GNB1: variants seen among roughly 807,000 people sequenced by gnomAD.
The protein encoded by GNB1 is guanine nucleotide-binding protein G(I)/G(S)/G(T) subunit beta-1.
GNB1 carries 2 observed loss-of-function variants against 42.9 expected under a neutral mutation model. The ratio of observed to expected loss-of-function variants is 0.05; its 90% CI spans 0.02 to 0.15. The LOEUF (loss-of-function observed/expected upper bound fraction) is 0.15, where lower values mean the gene tolerates loss of function less well. Among genes scored for constraint, GNB1 ranks in the 10% least tolerant of loss-of-function variants. The pLI, the probability that GNB1 is intolerant of heterozygous loss-of-function variation, is 1.00. For synonymous variants in GNB1, 183 were observed against 174.7 expected (o/e 1.05, Z -0.38); for missense variants, 193 against 462.2 (o/e 0.42, Z 5.34).
In GNB1 at chr1:1,787,530, T is replaced by G; in HGVS notation, c.917-93A>C. On this transcript the variant is annotated intron_variant, in intron 10 of 11. Coordinates refer to ENST00000378609, the MANE Select transcript of GNB1 (RefSeq NM_002074.5). This position sits in a 1 kb window ranked among gnomAD's most constrained non-coding sequence, Gnocchi z 4.4. ...GTGACGAGGACGGATGGTGCATCTCTCATGGGACAAGACCCAGAGTCTCCC... is the reference window on the plus strand; with the variant it reads ...GTGACGAGGACGGATGGTGCATCTCGCATGGGACAAGACCCAGAGTCTCCC... The G allele has an allele frequency of 1.3e-6, 1 of 742,924 alleles. No homozygotes were observed. The highest frequency in any genetic ancestry group is 2.3e-6 in the Non-Finnish European group (1 of 436,322). 46.0% of individuals were successfully genotyped at this position (742,924 alleles called of 1,614,324 possible).
At chr1:1,789,897 T>C (rs1156687619) in intron 9 of GNB1, among the ~76,000 whole-genome samples, 1 of 152,132 alleles carries the variant, frequency 6.6e-6, no homozygotes, top group African/African-American at 2.4e-5. Flanking sequence ...CTGCCAGCCA[T>C]CAGGGCTAAT....
intron 2 of GNB1, 192 bp from the exon 3 acceptor site, chr1:1,825,691 C>T (rs1197404673): frequency 5.6e-5 from 20 of 358,066 alleles, no homozygotes. Context: ...GGTCAAACCC[C>T]TTCTCTACTA....
In GNB1 at chr1:1,831,164, CA is replaced by C. The variant is rs1420807450; in HGVS notation, c.-46-5666del. On this transcript the variant is annotated intron_variant, in intron 2 of 11. Transcript: ENST00000378609. ...TGGGTGACAGAATGAGGCTCCATCT[CA>C]AAAAAAAAGTTACTTGATGCAATTC... is the stretch of plus-strand genomic sequence containing the variant. Among the ~76,000 whole-genome samples, 11 of 150,942 alleles carry C rather than the reference CA, an allele frequency of 7.3e-5. No homozygotes were observed. In the South Asian group the frequency reaches 1.9e-3, roughly 26 times the overall value.
At chr1:1,846,708 C>CA (rs1647688244) in intron 1 of GNB1, among the ~76,000 whole-genome samples, 1 of 152,128 alleles carries the variant, frequency 6.6e-6, no homozygotes, top group African/African-American at 2.4e-5. Flanking sequence ...AGGCATGTGC[C>CA]ACACTGCACG....
chr1:1,814,578 C>T (rs1646824781), intron 5 of GNB1, among the ~76,000 whole-genome samples: 2 of 151,928 alleles, frequency 1.3e-5, no homozygotes. Context: ...GTGGAAGGAT[C>T]ACTTAGGGGC....
chr1:1,887,010 G>A (rs1203012569), intron 1 of GNB1, among the ~76,000 whole-genome samples: 1 of 152,186 alleles, frequency 6.6e-6, no homozygotes, highest in African/African-American at 2.4e-5. Context: ...ACCACGCCCG[G>A]TCAAACCAGT....
rs747238563 is a variant in GNB1 at position 1,871,435 on chromosome 1, C to A, written c.-96+19385G>T. ...AGATCGCGCTACTGCACTCCAGCCA[C>A]GGCAACAGAGTGAGACTTAAGGGAA... On this transcript the variant is annotated intron_variant, in intron 1 of 11. Transcript: ENST00000378609. Among the ~76,000 whole-genome samples the A allele has an allele frequency of 1.8e-4, 28 of 151,996 alleles. 1 individual carries two copies. The highest frequency in any genetic ancestry group is 3.2e-4 in the Non-Finnish European group (22 of 67,956).
At position 1,790,285 on chromosome 1, in the gene GNB1, A is replaced by G. The variant is rs776174775; in HGVS notation, c.699+110T>C. 2 of 739,868 alleles carry G rather than the reference A, an allele frequency of 2.7e-6. No homozygotes were observed. Among genetic ancestry groups the G allele is most frequent in the Non-Finnish European group, 4.7e-6 (2 of 424,500 alleles). 45.8% of individuals were successfully genotyped at this position (739,868 alleles called of 1,614,324 possible). A position where few individuals can be genotyped will look rare whatever the true frequency, so the allele number is the denominator to read the frequency against. On this transcript the variant is annotated intron_variant, in intron 9 of 11. Transcript: ENST00000378609. The surrounding 1 kb of genome is among the most constrained non-coding windows in gnomAD (Gnocchi z 5.4). ...TATCCCCATCTGTACATGAGGTTGT[A>G]TAAGGATCAGAAAGGAGAACATCTA...
intron 1 of GNB1, among the ~76,000 whole-genome samples, chr1:1,850,499 C>T (rs1434185300): frequency 6.6e-6 from 1 of 151,932 alleles, no homozygotes; most frequent in African/African-American, 2.4e-5. Flanking sequence ...ATTGACCTAT[C>T]TTCAGTTTCA....
At chr1:1,889,308 CTAA>C (rs1375702770) in intron 1 of GNB1, among the ~76,000 whole-genome samples, 5 of 152,154 alleles carry the variant, frequency 3.3e-5, no homozygotes, top group African/African-American at 9.7e-5. Context: ...CTATTTGAGA[CTAA>C]TGTTATCAGA....
chr1:1,795,572 A>T (rs924556686), intron 7 of GNB1, among the ~76,000 whole-genome samples: 3 of 152,072 alleles, frequency 2.0e-5, no homozygotes, highest in African/African-American at 7.2e-5. Context: ...ACATGGTGAA[A>T]CCCCGTCTCT....
chr1:1,862,288 T>C (rs1259958653), intron 1 of GNB1, among the ~76,000 whole-genome samples: 1 of 152,044 alleles, frequency 6.6e-6, no homozygotes, highest in Non-Finnish European at 1.5e-5. Flanking sequence ...TACCATGAAT[T>C]GGAGGATGAA....
chr1:1,794,676 A>C (rs1340732974), intron 7 of GNB1, among the ~76,000 whole-genome samples: 1 of 152,224 alleles, frequency 6.6e-6, no homozygotes, highest in Non-Finnish European at 1.5e-5. Context: ...AAAACAAAGC[A>C]TTTATTTAAC....
chr1:1,801,591 A>G (rs909463841), intron 7 of GNB1, among the ~76,000 whole-genome samples: 5 of 152,178 alleles, frequency 3.3e-5, no homozygotes, highest in African/African-American at 1.2e-4. Flanking sequence ...CACCACTAAG[A>G]CATCAGGCAA....
At chr1:1,825,260 T>C in intron 3 of GNB1, 137 bp downstream of exon 3, 1 of 694,434 alleles carries the variant, frequency 1.4e-6, no homozygotes, top group Admixed American at 2.1e-5. Context: ...CTATAATTAG[T>C]ACATCCTGGG....
At position 1,851,302 on chromosome 1, in the gene GNB1, C is replaced by T. The variant is rs1042764666; in HGVS notation, c.-95-12064G>A. 3.3e-5 allele frequency among the ~76,000 whole-genome samples: 5 copies of T among 151,938 alleles called. No individual in the cohort carries two copies. The East Asian group carries it at 7.7e-4, about 24-fold the overall frequency. ...GTGCATGCCTGTAATTCCAGCTACT[C>T]GGGAGGCTGAGGCAGGAGAATCGCT... is the stretch of plus-strand genomic sequence containing the variant. On this transcript the variant is annotated intron_variant, in intron 1 of 11. Transcript: ENST00000378609.
intron 1 of GNB1, among the ~76,000 whole-genome samples, chr1:1,883,187 G>A (rs530147287): frequency 2.8e-4 from 42 of 149,168 alleles, no homozygotes; most frequent in Non-Finnish European, 1.8e-4. Context: ...GAAGAAGATC[G>A]TATGAGCCCA....
chr1:1,820,493 C>T (rs1433335458), intron 3 of GNB1, among the ~76,000 whole-genome samples: 1 of 151,176 alleles, frequency 6.6e-6, no homozygotes, highest in African/African-American at 2.4e-5. Context: ...ACAAAAAAAT[C>T]GAGTATTTCT....
chr1:1,851,125 A>T (rs1460207507), intron 1 of GNB1, among the ~76,000 whole-genome samples: 5 of 151,294 alleles, frequency 3.3e-5, no homozygotes, highest in African/African-American at 1.2e-4. Flanking sequence ...AAAATTAGCA[A>T]GGCGCCAGGC....
Sources: gnomAD v4.1 joint callset for allele counts (sites outside exome capture counted in the v4.1 genomes callset) on GRCh38, gnomAD v4.1.1 for gene constraint, Gnocchi (gnomAD v3.1) non-coding constraint, MANE v1.5 for transcripts, NCBI Gene and HGNC (gene_info 2026-07-23, HGNC 2026-07-21) for gene names.